PRDM2: variants seen among roughly 807,000 people sequenced by gnomAD.
PRDM2 encodes PR domain zinc finger protein 2.
In PRDM2, 30 loss-of-function variants were observed where a neutral mutation model predicts 130.0. The ratio of observed to expected loss-of-function variants is 0.23; its 90% CI spans 0.17 to 0.31. The LOEUF is 0.31. Ranked by LOEUF, PRDM2 falls within the 10% of genes least tolerant of loss-of-function variation. PRDM2 has a pLI of 1.00. For synonymous variants in PRDM2, 871 were observed against 782.4 expected, an observed-to-expected ratio of 1.11 and a Z score of -1.89; for missense variants, 2,011 against 2,108.4, an observed-to-expected ratio of 0.95 and a Z score of 0.90.
Position 13,779,886 on chromosome 1 carries a change from C to G in PRDM2, c.2091C>G (p.Thr697=). The stretch of plus-strand genomic sequence containing the variant: ...CAAAGCTCAAACAACTTCTTCAAAC[C>G]CAAGATAAACTAACTCCTGCAGGGA... ...LSSKLKQLLQ[T]QDKLTPAGIS... The change falls in exon 8 of 10, where the codon ACC becomes ACG. Residue 697 remains threonine (T), a synonymous_variant. Transcript: ENST00000311066. The surrounding 1 kb of genome is among the most constrained non-coding windows in gnomAD (Gnocchi z 4.9). 6.3e-7 allele frequency: 1 copy of G among 1,588,286 alleles called. No individual in the cohort carries two copies. The highest frequency in any genetic ancestry group is 8.5e-7 in the Non-Finnish European group (1 of 1,172,796).
In PRDM2 at chr1:13,806,067, G is replaced by A. The variant is rs1488663876; in HGVS notation, c.5037-10360G>A. Among the ~76,000 whole-genome samples, 16 of 152,076 alleles carry A rather than the reference G, an allele frequency of 1.1e-4. No homozygotes were observed. Among genetic ancestry groups the A allele is most frequent in the Non-Finnish European group, 2.9e-5 (2 of 68,008 alleles). On this transcript the variant is annotated intron_variant, in intron 8 of 9. Transcript: ENST00000311066. This position sits in a 1 kb window ranked among gnomAD's most constrained non-coding sequence, Gnocchi z 4.1. ...CTTCTTGAGGAGCCATCAAACCAAG[G>A]TTATCAGCAGCCCCCAGGATGCTCA...
In PRDM2 at chr1:13,809,442, G is replaced by A. The variant is rs748892561; in HGVS notation, c.5037-6985G>A. Reference sequence around the variant, plus strand: ...AGCAGGAGAGAGTGACGGAGGGACCGTGTTGAGTCTCAGGTCTCTGGCTTT... The same window carrying A: ...AGCAGGAGAGAGTGACGGAGGGACCATGTTGAGTCTCAGGTCTCTGGCTTT... On this transcript the variant is annotated intron_variant, in intron 8 of 9. Transcript: ENST00000311066. 1.2e-4 allele frequency among the ~76,000 whole-genome samples: 18 copies of A among 152,312 alleles called. No homozygotes were observed. In the East Asian group the frequency reaches 2.1e-3, roughly 18 times the overall value.
At chr1:13,732,364 A>G (rs1643137705) in intron 3 of PRDM2, among the ~76,000 whole-genome samples, 1 of 152,206 alleles carries the variant, frequency 6.6e-6, no homozygotes, top group Non-Finnish European at 1.5e-5. Flanking sequence ...AGTCATGTTC[A>G]TTAGAGACAA....
chr1:13,782,921 T>A (rs755296875), intron 8 of PRDM2, 90 bp downstream of exon 8: 12 of 1,577,322 alleles, frequency 7.6e-6, no homozygotes, highest in Non-Finnish European at 9.4e-6. Flanking sequence ...TGCTTTTTTT[T>A]TTTTTTTTCC....
At chr1:13,769,160 C>T (rs974749859) in intron 6 of PRDM2, 2 of 985,500 alleles carry the variant, frequency 2.0e-6, no homozygotes, top group Non-Finnish European at 2.4e-6. Flanking sequence ...CTGTAGGACC[C>T]CCAGGACCCG....
chr1:13,730,137 C>T (rs1341555814), intron 2 of PRDM2, among the ~76,000 whole-genome samples: 1 of 152,162 alleles, frequency 6.6e-6, no homozygotes, highest in Non-Finnish European at 1.5e-5. Context: ...TCATTCTTAG[C>T]AGTGCCGTGA....
intron 2 of PRDM2, among the ~76,000 whole-genome samples, chr1:13,721,301 A>G (rs755507662): frequency 2.0e-5 from 3 of 152,150 alleles, no homozygotes; most frequent in Non-Finnish European, 4.4e-5. Context: ...ATGGCTTTCT[A>G]TCTTTCATCT....
intron 8 of PRDM2, among the ~76,000 whole-genome samples, chr1:13,792,076 C>T (rs1644849489): frequency 6.6e-6 from 1 of 152,200 alleles, no homozygotes; most frequent in Non-Finnish European, 1.5e-5. Context: ...ACTGGAGTGT[C>T]ATTTCAGCAA....
intron 1 of PRDM2, among the ~76,000 whole-genome samples, chr1:13,701,350 G>T (rs1323434653): frequency 6.6e-6 from 1 of 152,088 alleles, no homozygotes; most frequent in Non-Finnish European, 1.5e-5. Flanking sequence ...TATTAAAAGT[G>T]ACCGAAACTT....
intron 1 of PRDM2, among the ~76,000 whole-genome samples, chr1:13,708,575 A>T (rs1642277285): frequency 2.0e-5 from 3 of 152,154 alleles, no homozygotes; most frequent in African/African-American, 4.8e-5. Flanking sequence ...TGCTCTATGC[A>T]TTCGGGGAGT....
At position 13,742,044 on chromosome 1, in the gene PRDM2, A is replaced by T. The variant is rs779447457; in HGVS notation, c.271A>T (p.Thr91Ser). The T allele has an allele frequency of 6.3e-7, 1 of 1,594,092 alleles. No homozygotes were observed. The highest frequency in any genetic ancestry group is 8.6e-7 in the Non-Finnish European group (1 of 1,161,946). ...PNLGWMCIDA[T>S]DPEKGNWLRY... ...TTTGGGATGGATGTGCATTGATGCC[A>T]CTGATCCAGAGAAGGGAAACTGGCT... Residue 91 changes from threonine (T) to serine (S), a missense_variant, in exon 5 of 10, where the codon ACT becomes TCT. Thr to Ser is a moderately conservative substitution (Grantham distance 58). Around this residue, in one of 5 missense-constraint regions of PRDM2, gnomAD observed 1,288 missense variants for 1,237.7 expected, o/e 1.04. Transcript: ENST00000311066.
At chr1:13,729,753 T>C (rs1348622481) in intron 2 of PRDM2, among the ~76,000 whole-genome samples, 2 of 152,164 alleles carry the variant, frequency 1.3e-5, no homozygotes, top group Non-Finnish European at 2.9e-5. Context: ...TTTGTGTGTC[T>C]GAAATGGAGG....
At chr1:13,721,881 C>G (rs903182228) in intron 2 of PRDM2, among the ~76,000 whole-genome samples, 29 of 152,088 alleles carry the variant, frequency 1.9e-4, no homozygotes, top group African/African-American at 7.0e-4. Context: ...AAGTCCTCGG[C>G]TTATTTGTGT....
intron 8 of PRDM2, among the ~76,000 whole-genome samples, chr1:13,814,341 G>A (rs1645222994): frequency 6.6e-6 from 1 of 152,208 alleles, no homozygotes; most frequent in Admixed American, 6.5e-5. Context: ...CACAGCGCAG[G>A]GGAGGAATTC....
In PRDM2 at chr1:13,778,467, G is replaced by A. The variant is rs764396446; in HGVS notation, c.672G>A (p.Pro224=). 10 of 1,613,790 alleles carry A rather than the reference G, an allele frequency of 6.2e-6. No homozygotes were observed. The highest frequency in any genetic ancestry group is 5.3e-5 in the African/African-American group (4 of 74,890). ...EKPSASALEQ[P]ATLQEVASQE... is the part of the protein sequence containing the mutation. ...CTTCAGCCTCAGCACTTGAGCAGCC[G>A]GCCACCCTCCAGGAGGTGGCCAGTC... The change falls in exon 8 of 10, where the codon CCG becomes CCA. Residue 224 remains proline, a synonymous_variant. Coordinates refer to ENST00000311066, the MANE Select transcript of PRDM2 (RefSeq NM_001393986.1).
At chr1:13,729,552 A>G (rs1299065959) in intron 2 of PRDM2, among the ~76,000 whole-genome samples, 3 of 152,216 alleles carry the variant, frequency 2.0e-5, no homozygotes, top group African/African-American at 7.2e-5. Context: ...AATCCAGCTT[A>G]TAGATTAAGA....
At chr1:13,808,895 A>G (rs1038969530) in intron 8 of PRDM2, among the ~76,000 whole-genome samples, 2 of 152,184 alleles carry the variant, frequency 1.3e-5, no homozygotes, top group Non-Finnish European at 2.9e-5. Context: ...TGTTGCCTCA[A>G]GAGGGCGACC....
intron 1 of PRDM2, among the ~76,000 whole-genome samples, chr1:13,713,892 G>A (rs1258137306): frequency 1.4e-5 from 2 of 146,748 alleles, no homozygotes; most frequent in East Asian, 3.9e-4. Context: ...TTTTTGAGAC[G>A]GAGTCTCGCT....
At chr1:13,738,621 A>G (rs1169706090) in intron 4 of PRDM2, 2 of 152,204 alleles carry the variant, frequency 1.3e-5, no homozygotes, top group Non-Finnish European at 2.9e-5. Context: ...AAAGTAACCT[A>G]TGTTTTGGGA....
Sources: allele counts gnomAD v4.1 joint callset (sites outside exome capture counted in the v4.1 genomes callset), GRCh38; gene constraint gnomAD v4.1.1; regional missense constraint gnomAD v4.1.1; non-coding constraint Gnocchi (gnomAD v3.1); transcripts MANE v1.5; gene names NCBI Gene and HGNC (gene_info 2026-07-23, HGNC 2026-07-21).